PHLPP1: variants seen among roughly 807,000 people sequenced by gnomAD.
PHLPP1 encodes PH domain and leucine rich repeat protein phosphatase 1.
PHLPP1 carries 42 observed loss-of-function variants against 117.2 expected under a neutral mutation model. The ratio of observed to expected loss-of-function variants is 0.36; its 90% CI spans 0.28 to 0.46. PHLPP1 has a LOEUF of 0.46. Among genes scored for constraint, PHLPP1 ranks in the 20% least tolerant of loss-of-function variants. The pLI, the probability that PHLPP1 is intolerant of heterozygous loss-of-function variation, is 1.00. For synonymous variants in PHLPP1, 1,042 were observed against 970.7 expected, an observed-to-expected ratio of 1.07 and a Z score of -1.37; for missense variants, 2,084 against 2,241.9, an observed-to-expected ratio of 0.93 and a Z score of 1.42.
intron 1 of PHLPP1, among the ~76,000 whole-genome samples, chr18:62,783,590 ACT>A (rs929098290): frequency 1.7e-4 from 26 of 152,250 alleles, no homozygotes; most frequent in African/African-American, 6.0e-4. Flanking sequence ...ATTGTGCAGC[ACT>A]CATGAAATGA....
At chr18:62,751,576 G>T (rs1911855484) in intron 1 of PHLPP1, among the ~76,000 whole-genome samples, 3 of 152,192 alleles carry the variant, frequency 2.0e-5, no homozygotes, top group Admixed American at 2.0e-4. Flanking sequence ...CCATTAACTA[G>T]CCAGGCCCTT....
intron 1 of PHLPP1, among the ~76,000 whole-genome samples, chr18:62,817,264 A>C (rs1176037316): frequency 6.6e-6 from 1 of 152,214 alleles, no homozygotes; most frequent in Non-Finnish European, 1.5e-5. Context: ...CAACTAACAC[A>C]GAAATGATAC....
At chr18:62,863,840 C>G (rs1218221419) in intron 4 of PHLPP1, among the ~76,000 whole-genome samples, 1 of 152,070 alleles carries the variant, frequency 6.6e-6, no homozygotes, top group Non-Finnish European at 1.5e-5. Context: ...TTGTGCTGAC[C>G]TCCTATTTCA....
At chr18:62,967,876 G>T (rs1910948128) in intron 14 of PHLPP1, among the ~76,000 whole-genome samples, 3 of 151,262 alleles carry the variant, frequency 2.0e-5, no homozygotes, top group Admixed American at 2.0e-4. Context: ...CCAGGCTGGA[G>T]TGCAATGGCA....
At chr18:62,880,559 T>C (rs1263139421) in intron 4 of PHLPP1, among the ~76,000 whole-genome samples, 2 of 152,126 alleles carry the variant, frequency 1.3e-5, no homozygotes, top group Admixed American at 6.5e-5. Context: ...GTGTGGCGGT[T>C]AATATTAAAC....
intron 1 of PHLPP1, among the ~76,000 whole-genome samples, chr18:62,813,490 A>G (rs1914181586): frequency 1.3e-5 from 2 of 152,164 alleles, no homozygotes; most frequent in Admixed American, 1.3e-4. Flanking sequence ...CTCATCCATT[A>G]TGCCCCACGT....
chr18:62,894,889 C>G lies in PHLPP1; in HGVS notation c.2067-122C>G. The G allele has an allele frequency of 5.2e-6, 4 of 763,832 alleles. No individual in the cohort carries two copies. In the South Asian group the frequency reaches 8.1e-5, roughly 15 times the overall value. The allele number at this position is 763,832 out of a possible 1,614,324, so 47.3% of individuals were successfully genotyped here. ...CTGCTGCTCCTTAACCTCTCTGGGGCCCCCATTTCCTCTTTAGTTGAATTT... is the reference window on the plus strand; with the variant it reads ...CTGCTGCTCCTTAACCTCTCTGGGGGCCCCATTTCCTCTTTAGTTGAATTT... On this transcript the variant is annotated intron_variant, in intron 4 of 16. Coordinates refer to ENST00000262719, the MANE Select transcript of PHLPP1 (RefSeq NM_194449.4).
chr18:62,757,464 T>C (rs1216680984), intron 1 of PHLPP1, among the ~76,000 whole-genome samples: 1 of 152,244 alleles, frequency 6.6e-6, no homozygotes, highest in East Asian at 1.9e-4. Context: ...CTCTTTGTAG[T>C]GCAGGCCATA....
chr18:62,978,693 C>T lies in PHLPP1; in HGVS notation c.4416C>T (p.Gly1472=). The change falls in exon 17 of 17, where the codon GGC becomes GGT. Residue 1472 remains glycine (G), a synonymous_variant. Coordinates refer to ENST00000262719, the MANE Select transcript of PHLPP1 (RefSeq NM_194449.4). This position sits in a 1 kb window ranked among gnomAD's most constrained non-coding sequence, Gnocchi z 7.0. ...DGLGVPSSSS[G]MASEISSELS... Reference sequence around the variant, plus strand: ...TGGGCGTGCCGTCCTCCAGCAGCGGCATGGCTTCCGAGATTAGCAGTGAGC... The same window carrying T: ...TGGGCGTGCCGTCCTCCAGCAGCGGTATGGCTTCCGAGATTAGCAGTGAGC... The T allele has an allele frequency of 1.2e-6, 2 of 1,613,876 alleles. No homozygotes were observed. Among genetic ancestry groups the T allele is most frequent in the Non-Finnish European group, 1.7e-6 (2 of 1,179,860 alleles).
rs774153587 is a variant in PHLPP1 at position 62,978,866 on chromosome 18, A to G, written c.4589A>G (p.Gln1530Arg). 4 of 1,607,042 alleles carry G rather than the reference A, an allele frequency of 2.5e-6. No homozygotes were observed. Among genetic ancestry groups the G allele is most frequent in the Non-Finnish European group, 3.4e-6 (4 of 1,176,902 alleles). The change falls in exon 17 of 17, where the codon CAG becomes CGG. Residue 1530 changes from glutamine to arginine, a missense_variant. By Grantham distance (43) the Gln-to-Arg change is conservative. Around this residue, in one of 2 missense-constraint regions of PHLPP1, gnomAD observed 1,365 missense variants for 1,605.9 expected, o/e 0.85. Coordinates refer to ENST00000262719, the MANE Select transcript of PHLPP1 (RefSeq NM_194449.4). This position sits in a 1 kb window ranked among gnomAD's most constrained non-coding sequence, Gnocchi z 7.0. Reference protein sequence around the residue: ...PICLSNSFQRQLSSATFSSAF... With the variant: ...PICLSNSFQRRLSSATFSSAF... The stretch of plus-strand genomic sequence containing the variant: ...TGTCTGTCCAACTCCTTCCAGCGCC[A>G]GCTATCCAGCGCCACGTTCTCTAGC...
intron 1 of PHLPP1, among the ~76,000 whole-genome samples, chr18:62,738,174 A>G (rs1283870771): frequency 3.3e-5 from 5 of 151,554 alleles, no homozygotes; most frequent in Non-Finnish European, 7.4e-5. Context: ...TAACATAGTG[A>G]GACCCTTTCT....
intron 1 of PHLPP1, among the ~76,000 whole-genome samples, chr18:62,764,844 AATT>A (rs1352394175): frequency 6.6e-6 from 1 of 152,172 alleles, no homozygotes; most frequent in Non-Finnish European, 1.5e-5. Flanking sequence ...TGTCTCCTTT[AATT>A]ATTGACAGAA....
intron 1 of PHLPP1, among the ~76,000 whole-genome samples, chr18:62,807,811 G>T (rs768930925): frequency 2.0e-5 from 3 of 152,090 alleles, no homozygotes; most frequent in Non-Finnish European, 4.4e-5. Flanking sequence ...ACCTCTCTAG[G>T]GTACTTACTG....
At chr18:62,788,557 G>GT (rs963168581) in intron 1 of PHLPP1, among the ~76,000 whole-genome samples, 1 of 150,364 alleles carries the variant, frequency 6.7e-6, no homozygotes, top group Non-Finnish European at 1.5e-5. Flanking sequence ...TAGTAAGAGG[G>GT]TTTTTTTGTT....
chr18:62,974,807 A>C (rs1911142776), intron 15 of PHLPP1, among the ~76,000 whole-genome samples: 1 of 152,186 alleles, frequency 6.6e-6, no homozygotes, highest in South Asian at 2.1e-4. Flanking sequence ...GTTTTCTAGA[A>C]TAGATGGTGC....
chr18:62,919,734 GT>G (rs911256117), intron 9 of PHLPP1, among the ~76,000 whole-genome samples: 1 of 152,072 alleles, frequency 6.6e-6, no homozygotes, highest in Non-Finnish European at 1.5e-5. Context: ...TATAGAACTT[GT>G]TTTTTGCTAT....
intron 3 of PHLPP1, among the ~76,000 whole-genome samples, chr18:62,850,345 G>A (rs956712944): frequency 1.5e-5 from 2 of 133,948 alleles, no homozygotes; most frequent in Non-Finnish European, 3.1e-5. Flanking sequence ...CTGAGATTGA[G>A]CTACTGCAAT....
intron 1 of PHLPP1, among the ~76,000 whole-genome samples, chr18:62,770,746 G>T (rs1426222816): frequency 6.6e-6 from 1 of 151,654 alleles, no homozygotes; most frequent in East Asian, 1.9e-4. Context: ...TTTTTGGGGG[G>T]GGTGGGGAAT....
chr18:62,886,901 C>G (rs1346277022), intron 4 of PHLPP1, among the ~76,000 whole-genome samples: 1 of 152,166 alleles, frequency 6.6e-6, no homozygotes, highest in Non-Finnish European at 1.5e-5. Flanking sequence ...GACAAATGAA[C>G]ATGAGTTATA....
Sources: gnomAD v4.1 joint callset for allele counts (sites outside exome capture counted in the v4.1 genomes callset) on GRCh38, gnomAD v4.1.1 for gene constraint, gnomAD v4.1.1 regional missense constraint, Gnocchi (gnomAD v3.1) non-coding constraint, MANE v1.5 for transcripts, NCBI Gene and HGNC (gene_info 2026-07-23, HGNC 2026-07-21) for gene names.